OSBP2: variants seen among roughly 807,000 people sequenced by gnomAD.
OSBP2 encodes the protein oxysterol binding protein 2.
Under a neutral mutation model 96.0 loss-of-function variants are expected in OSBP2, and 66 were observed. The observed-to-expected ratio is 0.69, with a 90% CI of 0.56 to 0.84. The LOEUF (loss-of-function observed/expected upper bound fraction) is 0.84, where lower values mean the gene tolerates loss of function less well. Among genes scored for constraint, OSBP2 ranks in the 40% least tolerant of loss-of-function variants. OSBP2 has a pLI of 0.00. For synonymous variants in OSBP2, 525 were observed against 520.9 expected, an observed-to-expected ratio of 1.01 and a Z score of -0.11; for missense variants, 1,038 against 1,222.7, an observed-to-expected ratio of 0.85 and a Z score of 2.25.
At chr22:30,791,779 A>G (rs900567295) in intron 2 of OSBP2, among the ~76,000 whole-genome samples, 1 of 152,140 alleles carries the variant, frequency 6.6e-6, no homozygotes, top group Non-Finnish European at 1.5e-5. Flanking sequence ...AAGAGCTGCA[A>G]GATAGGAAGG....
intron 2 of OSBP2, among the ~76,000 whole-genome samples, chr22:30,862,777 G>T (rs538659785): frequency 5.5e-4 from 83 of 152,094 alleles, no homozygotes; most frequent in African/African-American, 1.9e-3. Flanking sequence ...TTCCTGACCA[G>T]CCTGGCCAAC....
intron 2 of OSBP2, among the ~76,000 whole-genome samples, chr22:30,825,259 G>A (rs891827061): frequency 6.6e-6 from 1 of 152,132 alleles, no homozygotes; most frequent in South Asian, 2.1e-4. Flanking sequence ...AAGCTGAGGT[G>A]GGAAGATCAC....
chr22:30,879,110 G>C (rs1216078474), intron 3 of OSBP2, among the ~76,000 whole-genome samples: 2 of 152,212 alleles, frequency 1.3e-5, no homozygotes, highest in Non-Finnish European at 2.9e-5. Flanking sequence ...GCTTCTCTGA[G>C]GCCCCTCTTG....
chr22:30,702,914 G>A (rs2089187036), intron 1 of OSBP2, among the ~76,000 whole-genome samples: 1 of 152,222 alleles, frequency 6.6e-6, no homozygotes, highest in Non-Finnish European at 1.5e-5. Context: ...TAATAGATGA[G>A]TGAGTAAATG....
At chr22:30,815,509 C>T (rs186181341) in intron 2 of OSBP2, among the ~76,000 whole-genome samples, 1 of 152,284 alleles carries the variant, frequency 6.6e-6, no homozygotes, top group African/African-American at 2.4e-5. Context: ...TTTACTGTTG[C>T]AGTGGGAAAG....
Position 30,731,371 on chromosome 22 carries a change from G to C in OSBP2, c.645-9790G>C, listed in dbSNP as rs1455614449. ...AGCAAGCATGCTTGCCTGGCACATG[G>C]ACTTTTCCAGAACTTACACAAGAAG... On this transcript the variant is annotated intron_variant, in intron 1 of 13. Coordinates refer to ENST00000332585, the MANE Select transcript of OSBP2 (RefSeq NM_030758.4). Among the ~76,000 whole-genome samples, 4 of 152,062 alleles carry C rather than the reference G, an allele frequency of 2.6e-5. No homozygotes were observed. The South Asian group carries it at 8.3e-4, about 31-fold the overall frequency.
chr22:30,791,312 G>A (rs2090670229), intron 2 of OSBP2, among the ~76,000 whole-genome samples: 1 of 145,780 alleles, frequency 6.9e-6, no homozygotes, highest in African/African-American at 2.5e-5. Flanking sequence ...TATATATTGG[G>A]GGATTCTTCT....
Position 30,717,086 on chromosome 22 carries a change from G to GTTTTTTTTTTTTT in OSBP2, c.644+21538_644+21539insTTTTTTTTTTTTT, listed in dbSNP as rs144392805. Among the ~76,000 whole-genome samples, 55 of 96,250 alleles carry GTTTTTTTTTTTTT rather than the reference G, an allele frequency of 5.7e-4. 1 individual carries two copies. The highest frequency in any genetic ancestry group is 2.3e-3 in the South Asian group (6 of 2,624). 63.1% of individuals were successfully genotyped at this position (96,250 alleles called of 152,430 possible). Reference sequence around the variant, plus strand: ...AAATCTATTTTGTTTTAATTTTACTGTTTTTGTGTGTGTGTGTGTGTGTGT... The same window carrying GTTTTTTTTTTTTT: ...AAATCTATTTTGTTTTAATTTTACTGTTTTTTTTTTTTTTTTTTGTGTGTGTGTGTGTGTGTGT... On this transcript the variant is annotated intron_variant, in intron 1 of 13. Transcript: ENST00000332585.
intron 2 of OSBP2, among the ~76,000 whole-genome samples, chr22:30,862,119 G>A (rs946011719): frequency 1.3e-5 from 2 of 152,196 alleles, no homozygotes; most frequent in African/African-American, 4.8e-5. Flanking sequence ...TTGGAAGCTC[G>A]CCGAAGACCT....
At chr22:30,743,541 G>A (rs1482477846) in intron 2 of OSBP2, among the ~76,000 whole-genome samples, 3 of 152,134 alleles carry the variant, frequency 2.0e-5, no homozygotes, top group Admixed American at 6.6e-5. Flanking sequence ...AGGACCTGTG[G>A]TCTCAGTTTG....
intron 2 of OSBP2, among the ~76,000 whole-genome samples, chr22:30,774,120 A>G (rs2090396096): frequency 1.3e-5 from 2 of 152,094 alleles, no homozygotes; most frequent in Admixed American, 1.3e-4. Flanking sequence ...CATAAGAGAG[A>G]GGAGGCAAGG....
chr22:30,784,335 C>T (rs2145813772), intron 2 of OSBP2, among the ~76,000 whole-genome samples: 1 of 152,116 alleles, frequency 6.6e-6, no homozygotes, highest in South Asian at 2.1e-4. Flanking sequence ...CTCACTGTAG[C>T]CTTGACCTCC....
intron 3 of OSBP2, among the ~76,000 whole-genome samples, chr22:30,880,338 C>T (rs997710811): frequency 3.3e-5 from 5 of 152,344 alleles, no homozygotes; most frequent in South Asian, 2.1e-4. Context: ...AGGGCAGACA[C>T]GTCAGATGCC....
chr22:30,777,793 G>C (rs1468177926), intron 2 of OSBP2, among the ~76,000 whole-genome samples: 4 of 152,088 alleles, frequency 2.6e-5, no homozygotes, highest in African/African-American at 9.7e-5. Context: ...CAGACAGAAA[G>C]CCCTATTAGT....
intron 3 of OSBP2, among the ~76,000 whole-genome samples, 178 bp from the exon 4 acceptor site, chr22:30,887,248 T>A (rs1188355957): frequency 6.6e-6 from 1 of 152,180 alleles, no homozygotes; most frequent in African/African-American, 2.4e-5. Flanking sequence ...ATGACCTGTA[T>A]TTTGTATCTC....
chr22:30,878,291 GC>G (rs1402843107), intron 3 of OSBP2, among the ~76,000 whole-genome samples: 21 of 152,268 alleles, frequency 1.4e-4, no homozygotes, highest in Non-Finnish European at 2.2e-4. Context: ...TGGAGAATGC[GC>G]TATCCGCGAG....
chr22:30,791,247 C>T (rs1459419853), intron 2 of OSBP2, among the ~76,000 whole-genome samples: 3 of 151,016 alleles, frequency 2.0e-5, no homozygotes, highest in East Asian at 1.9e-4. Context: ...GTTGGGATTA[C>T]AGGTGTGAGC....
In OSBP2 at chr22:30,793,546, G is replaced by A. The variant is rs145966884; in HGVS notation, c.853+52177G>A. Reference sequence around the variant, plus strand: ...CATGCCTGTAATCCCAACACTTTGGGAGGCCAAGGTGGGAGGATCACTTGA... The same window carrying A: ...CATGCCTGTAATCCCAACACTTTGGAAGGCCAAGGTGGGAGGATCACTTGA... On this transcript the variant is annotated intron_variant, in intron 2 of 13. Transcript: ENST00000332585. Among the ~76,000 whole-genome samples, 1,031 of 152,212 alleles carry A rather than the reference G, an allele frequency of 6.8e-3. 9 individuals carry two copies. The highest frequency in any genetic ancestry group is 0.023 in the African/African-American group (966 of 41,518).
At chr22:30,803,289 G>C (rs2090880011) in intron 2 of OSBP2, 1 of 153,262 alleles carries the variant, frequency 6.5e-6, no homozygotes, top group Non-Finnish European at 1.5e-5. Flanking sequence ...CCCAGATCTT[G>C]AGCAGCTTTC....
Sources: gnomAD v4.1 joint callset for allele counts (sites outside exome capture counted in the v4.1 genomes callset) on GRCh38, gnomAD v4.1.1 for gene constraint, MANE v1.5 for transcripts, NCBI Gene and HGNC (gene_info 2026-07-23, HGNC 2026-07-21) for gene names.